Variants in ALDH1L1 observed in about 807,000 individuals in gnomAD.
The protein encoded by ALDH1L1 is cytosolic 10-formyltetrahydrofolate dehydrogenase.
A neutral mutation model predicts 101.1 loss-of-function variants in ALDH1L1; 68 were observed. The ratio of observed to expected loss-of-function variants is 0.67; its 90% CI spans 0.55 to 0.82. ALDH1L1 has a LOEUF of 0.82. Ranked by LOEUF, ALDH1L1 falls within the 40% of genes least tolerant of loss-of-function variation. The pLI is 0.00. For missense variants in ALDH1L1, 1,087 were observed against 1,172.7 expected (o/e 0.93, Z 1.07); for synonymous variants, 486 against 470.8 (o/e 1.03, Z -0.42).
intron 7 of ALDH1L1, 45 bp downstream of exon 7, chr3:126,153,399 A>G (rs940836138): frequency 1.2e-6 from 2 of 1,609,238 alleles, no homozygotes; most frequent in South Asian, 1.1e-5. Context: ...GGACAGGAGC[A>G]TGGGTGGCTT....
chr3:126,105,530 C>T, intron 22 of ALDH1L1, 196 bp downstream of exon 22: 1 of 665,790 alleles, frequency 1.5e-6, no homozygotes, highest in Admixed American at 2.2e-5. Context: ...GCCTTCTTCC[C>T]AGCACGACCC....
chr3:126,130,413 C>T (rs2080278051), intron 13 of ALDH1L1, 120 bp from the exon 14 acceptor site: 1 of 838,352 alleles, frequency 1.2e-6, no homozygotes, highest in South Asian at 3.5e-5. Flanking sequence ...TAGGTGTGAC[C>T]TGAGGCTTGA....
upstream of ALDH1L1, among the ~76,000 whole-genome samples, chr3:126,186,105 T>A (rs529514527): frequency 1.4e-4 from 22 of 152,264 alleles, no homozygotes; most frequent in African/African-American, 4.6e-4. Flanking sequence ...TGGATGGCAG[T>A]GATGGTTGCA....
chr3:126,162,887 AT>A (rs1229296234), intron 1 of ALDH1L1, among the ~76,000 whole-genome samples: 2 of 152,116 alleles, frequency 1.3e-5, no homozygotes, highest in Admixed American at 6.5e-5. Flanking sequence ...GAAGTCCAGA[AT>A]TTTTTTTCCA....
chr3:126,121,699 G>C (rs918190916), intron 16 of ALDH1L1, among the ~76,000 whole-genome samples: 12 of 152,186 alleles, frequency 7.9e-5, no homozygotes, highest in Non-Finnish European at 2.9e-5. Context: ...AAGAAAATCT[G>C]ACTCTCAGTA....
At chr3:126,119,276 A>G (rs2080034565) in intron 16 of ALDH1L1, among the ~76,000 whole-genome samples, 1 of 151,890 alleles carries the variant, frequency 6.6e-6, no homozygotes, top group Admixed American at 6.6e-5. Flanking sequence ...TCCATTGGTC[A>G]CTCCTCTGCC....
intron 3 of ALDH1L1, 115 bp from the exon 4 acceptor site, chr3:126,157,623 G>A: frequency 8.6e-7 from 1 of 1,157,962 alleles, no homozygotes; most frequent in Middle Eastern, 2.0e-4. Context: ...CCAGGGGTAG[G>A]ACTGACACCG....
chr3:126,141,836 A>C (rs1295665869), intron 9 of ALDH1L1, among the ~76,000 whole-genome samples: 3 of 152,124 alleles, frequency 2.0e-5, no homozygotes, highest in African/African-American at 7.2e-5. Context: ...AGCAGAAGGA[A>C]GTAATAATAA....
At chr3:126,163,456 A>G (rs1291179324) in intron 1 of ALDH1L1, among the ~76,000 whole-genome samples, 2 of 152,178 alleles carry the variant, frequency 1.3e-5, no homozygotes, top group Non-Finnish European at 2.9e-5. Context: ...GCACTTGCCA[A>G]TATATCCACT....
rs932566680 is a variant in ALDH1L1, at chr3:126,153,498, C to A, written c.804G>T (p.Arg268=). The change falls in exon 7 of 23, where the codon CGG becomes CGT. Residue 268 remains arginine, a synonymous_variant. Coordinates refer to ENST00000393434, the MANE Select transcript of ALDH1L1 (RefSeq NM_012190.4). ...GTCCTGCTTTGGTGACCACCCCTGGCCGATGGGCTCCTGGGATGGGCAAAG... is the reference window on the plus strand; with the variant it reads ...GTCCTGCTTTGGTGACCACCCCTGGACGATGGGCTCCTGGGATGGGCAAAG... ...GDALPIPGAH[R]PGVVTKAGLI... is the part of the protein sequence containing the mutation. 19 of 1,614,044 alleles carry A rather than the reference C, an allele frequency of 1.2e-5. No homozygotes were observed. Among genetic ancestry groups the A allele is most frequent in the Non-Finnish European group, 1.5e-5 (18 of 1,180,036 alleles).
At chr3:126,164,714 A>G (rs1324302660) in intron 1 of ALDH1L1, among the ~76,000 whole-genome samples, 2 of 152,086 alleles carry the variant, frequency 1.3e-5, no homozygotes, top group Admixed American at 1.3e-4. Context: ...ATAATGATCT[A>G]TTTTCCTTTG....
At chr3:126,106,069 T>C (rs1945859745) in intron 21 of ALDH1L1, 144 bp from the exon 22 acceptor site, 1 of 836,644 alleles carries the variant, frequency 1.2e-6, no homozygotes, top group Middle Eastern at 3.4e-4. Flanking sequence ...GGGGGCAAGA[T>C]TGGGTTGGGT....
At chr3:126,190,598 G>T (rs1194657027) in intron 1 of ALDH1L1, among the ~76,000 whole-genome samples, 1 of 152,210 alleles carries the variant, frequency 6.6e-6, no homozygotes, top group Admixed American at 6.5e-5. Flanking sequence ...ATCTTATGGA[G>T]TTTATTGAAA....
chr3:126,139,442 C>A (rs559057102), intron 9 of ALDH1L1, among the ~76,000 whole-genome samples: 36 of 152,206 alleles, frequency 2.4e-4, no homozygotes, highest in African/African-American at 8.7e-4. Context: ...AATATATTTC[C>A]CGAATTACCA....
chr3:126,172,110 A>C (rs1039929246), intron 1 of ALDH1L1, among the ~76,000 whole-genome samples: 3 of 152,232 alleles, frequency 2.0e-5, no homozygotes, highest in African/African-American at 4.8e-5. Context: ...GGTAAATATC[A>C]AACCTCACAC....
intron 17 of ALDH1L1, among the ~76,000 whole-genome samples, chr3:126,117,160 G>A (rs913482615): frequency 6.6e-6 from 1 of 150,928 alleles, no homozygotes; most frequent in Admixed American, 6.6e-5. Context: ...TAGGAGGATC[G>A]CATGAGCCAG....
intron 9 of ALDH1L1, among the ~76,000 whole-genome samples, chr3:126,143,271 A>G (rs2080604262): frequency 6.6e-6 from 1 of 152,208 alleles, no homozygotes; most frequent in South Asian, 2.1e-4. Context: ...TAAGTCTGGG[A>G]CCATCTATAT....
intron 1 of ALDH1L1, among the ~76,000 whole-genome samples, chr3:126,195,721 A>C (rs1219639872): frequency 1.3e-5 from 2 of 152,276 alleles, no homozygotes; most frequent in African/African-American, 4.8e-5. Context: ...CTAAATGTCC[A>C]TCAATGATAG....
At chr3:126,180,440 C>T in intron 1 of ALDH1L1, 36 bp downstream of exon 1, 1 of 988,242 alleles carries the variant, frequency 1.0e-6, no homozygotes, top group Non-Finnish European at 1.2e-6. Context: ...TCCTTTCCGC[C>T]GGGAGTCCAG....
Sources: allele counts gnomAD v4.1 joint callset (sites outside exome capture counted in the v4.1 genomes callset), GRCh38; gene constraint gnomAD v4.1.1; transcripts MANE v1.5; gene names NCBI Gene and HGNC (gene_info 2026-07-23, HGNC 2026-07-21).